Variants in PKP4 observed in about 807,000 individuals in gnomAD.
PKP4 encodes plakophilin-4.
A neutral mutation model predicts 145.1 loss-of-function variants in PKP4; 90 were observed. The ratio of observed to expected loss-of-function variants is 0.62; its 90% CI spans 0.52 to 0.74. The LOEUF is 0.74. Ranked by LOEUF, PKP4 falls within the 30% of genes least tolerant of loss-of-function variation. The probability of loss-of-function intolerance (pLI) is 0.00; values close to 1 mark genes in which losing one functional copy is unlikely to be tolerated. For missense variants in PKP4, 1,340 were observed against 1,482.7 expected (o/e 0.90, Z 1.58); for synonymous variants, 563 against 577.2 (o/e 0.98, Z 0.35).
chr2:158,591,056 C>G lies in PKP4; in HGVS notation c.246-12014C>G, dbSNP rs369770908. ...GAATACAGGAGACAGAGGAACATGT[C>G]AGTTGATACTGTACTGATACATTCA... On this transcript the variant is annotated intron_variant, in intron 3 of 21. Transcript: ENST00000389759. Among the ~76,000 whole-genome samples, 24 of 152,214 alleles carry G rather than the reference C, an allele frequency of 1.6e-4. No homozygotes were observed. In the East Asian group the frequency reaches 3.7e-3, roughly 23 times the overall value.
chr2:158,673,991 A>G lies in PKP4; in HGVS notation c.3118A>G (p.Ile1040Val). Residue 1040 changes from isoleucine (I) to valine (V), a missense_variant, in exon 19 of 22, where the codon ATT (isoleucine) becomes GTT (valine). By Grantham distance (29) the Ile-to-Val change is conservative (BLOSUM62 3). Coordinates refer to ENST00000389759, the MANE Select transcript of PKP4 (RefSeq NM_003628.6). Reference sequence around the variant, plus strand: ...CACCAACCAACAGATGTCACCCATCATTCAGTCAGGTCAGTGGGAAAATGC... The same window carrying G: ...CACCAACCAACAGATGTCACCCATCGTTCAGTCAGGTCAGTGGGAAAATGC... ...STTNQQMSPI[I>V]QSVGSTSSSP... The G allele has an allele frequency of 6.3e-7, 1 of 1,577,184 alleles. No homozygotes were observed. The highest frequency in any genetic ancestry group is 8.7e-7 in the Non-Finnish European group (1 of 1,146,198).
intron 2 of PKP4, among the ~76,000 whole-genome samples, chr2:158,575,741 G>T (rs895829423): frequency 6.6e-6 from 1 of 151,726 alleles, no homozygotes; most frequent in Non-Finnish European, 1.5e-5. Flanking sequence ...TGTGGGAAAA[G>T]ATGCATATAA....
chr2:158,676,965 A>G (rs140919414), intron 20 of PKP4, 98 bp downstream of exon 20: 1 of 1,385,808 alleles, frequency 7.2e-7, no homozygotes, highest in East Asian at 2.3e-5. Flanking sequence ...TTGTATTGAG[A>G]CAGTCCCCCA....
chr2:158,557,435 C>T (rs1180633655), intron 2 of PKP4, among the ~76,000 whole-genome samples: 2 of 152,064 alleles, frequency 1.3e-5, no homozygotes, highest in Non-Finnish European at 2.9e-5. Flanking sequence ...TATATACTGT[C>T]CTGAATTATA....
At chr2:158,617,260 C>T (rs1352197669) in intron 4 of PKP4, among the ~76,000 whole-genome samples, 1 of 151,956 alleles carries the variant, frequency 6.6e-6, no homozygotes, top group Non-Finnish European at 1.5e-5. Context: ...TTCGAAGATG[C>T]TAATTTGATG....
At chr2:158,481,199 C>A (rs1474858463) in intron 1 of PKP4, among the ~76,000 whole-genome samples, 1 of 152,182 alleles carries the variant, frequency 6.6e-6, no homozygotes, top group Non-Finnish European at 1.5e-5. Context: ...GCTGTGATTA[C>A]AGGTGTGAGC....
chr2:158,549,780 T>C (rs1315398497), intron 2 of PKP4, among the ~76,000 whole-genome samples: 1 of 152,240 alleles, frequency 6.6e-6, no homozygotes, highest in Non-Finnish European at 1.5e-5. Context: ...AAAAGTTTTC[T>C]TGATTTAATT....
At chr2:158,663,843 A>G (rs2105985500) in intron 15 of PKP4, among the ~76,000 whole-genome samples, 1 of 152,338 alleles carries the variant, frequency 6.6e-6, no homozygotes, top group South Asian at 2.1e-4. Context: ...GAATCTCTGA[A>G]GATGAGTGAA....
chr2:158,563,987 G>A (rs1489441224), intron 2 of PKP4, among the ~76,000 whole-genome samples: 5 of 152,036 alleles, frequency 3.3e-5, no homozygotes, highest in Non-Finnish European at 7.4e-5. Context: ...GTTTGTCCTG[G>A]TACATGCAAA....
chr2:158,584,331 T>C (rs1409682371), intron 3 of PKP4, among the ~76,000 whole-genome samples: 5 of 152,204 alleles, frequency 3.3e-5, no homozygotes, highest in African/African-American at 7.2e-5. Flanking sequence ...GCTGAATACC[T>C]TGGGGCCTAG....
chr2:158,549,117 G>A (rs1242870587), intron 2 of PKP4: 5 of 201,458 alleles, frequency 2.5e-5, no homozygotes, highest in Non-Finnish European at 4.2e-5. Context: ...TAGATATGAT[G>A]AGATCCGCCA....
intron 2 of PKP4, among the ~76,000 whole-genome samples, chr2:158,543,255 G>A (rs1432848838): frequency 6.6e-6 from 1 of 152,096 alleles, no homozygotes; most frequent in Non-Finnish European, 1.5e-5. Flanking sequence ...TGAATTTTGG[G>A]TTTTCTGGTT....
Position 158,457,171 on chromosome 2 carries a change from G to T in PKP4, c.-53G>T, listed in dbSNP as rs1173539795. The T allele has an allele frequency of 6.6e-6, 1 of 151,486 alleles. No homozygotes were observed. Among genetic ancestry groups the T allele is most frequent in the African/African-American group, 2.4e-5 (1 of 41,226 alleles). 9.4% of individuals were successfully genotyped at this position (151,486 alleles called of 1,614,324 possible). ...GCCGCAGCGGCGACCCCTCGGCGCC[G>T]ATGTCCCTGATCCCTGGAGCGACGA... On this transcript the variant is annotated 5_prime_UTR_variant, in exon 1 of 22. Coordinates refer to ENST00000389759, the MANE Select transcript of PKP4 (RefSeq NM_003628.6).
intron 2 of PKP4, among the ~76,000 whole-genome samples, chr2:158,568,396 C>T (rs972735424): frequency 6.6e-6 from 1 of 152,126 alleles, no homozygotes; most frequent in African/African-American, 2.4e-5. Flanking sequence ...AAGAAGTTCC[C>T]AGGTGGTGCT....
intron 9 of PKP4, among the ~76,000 whole-genome samples, chr2:158,636,364 A>G (rs2053809960): frequency 6.6e-6 from 1 of 151,734 alleles, no homozygotes; most frequent in African/African-American, 2.4e-5. Flanking sequence ...TTGTCTTCAG[A>G]TCTCCGTTGT....
Position 158,640,741 on chromosome 2 carries a change from C to A in PKP4, c.1677C>A (p.Asp559Glu). Residue 559 changes from aspartate to glutamate, a missense_variant, in exon 10 of 22, where the codon GAC becomes GAA. Transcript: ENST00000389759. The part of the protein sequence containing the change: ...AAYLQHLCFG[D>E]NKVKMEVCRL... ...ACCTGCAGCACCTGTGCTTTGGTGACAACAAAGTGAAGATGGAGGTACAGG... is the reference window on the plus strand; with the variant it reads ...ACCTGCAGCACCTGTGCTTTGGTGAAAACAAAGTGAAGATGGAGGTACAGG... The A allele has an allele frequency of 6.2e-7, 1 of 1,614,060 alleles. No individual in the cohort carries two copies. The highest frequency in any genetic ancestry group is 1.1e-5 in the South Asian group (1 of 91,068).
chr2:158,654,167 A>G (rs761288805), intron 11 of PKP4, among the ~76,000 whole-genome samples: 27 of 152,354 alleles, frequency 1.8e-4, no homozygotes, highest in Middle Eastern at 3.4e-3. Context: ...CAAAATGGTG[A>G]GTTAAATCCA....
chr2:158,593,030 A>G (rs776895806), intron 3 of PKP4, among the ~76,000 whole-genome samples: 13 of 152,306 alleles, frequency 8.5e-5, no homozygotes, highest in Non-Finnish European at 1.6e-4. Flanking sequence ...AGTATAACAT[A>G]TAGATGCTTT....
intron 1 of PKP4, among the ~76,000 whole-genome samples, chr2:158,519,204 C>G (rs2042155452): frequency 6.6e-6 from 1 of 151,688 alleles, no homozygotes; most frequent in African/African-American, 2.4e-5. Flanking sequence ...ATGAAATACT[C>G]TGTTTTTAAA....
Sources: allele counts gnomAD v4.1 joint callset (sites outside exome capture counted in the v4.1 genomes callset), GRCh38; gene constraint gnomAD v4.1.1; transcripts MANE v1.5; gene names NCBI Gene and HGNC (gene_info 2026-07-23, HGNC 2026-07-21).